The following SLC35F3 variants were observed in gnomAD, a reference collection of about 807,000 sequenced individuals.
SLC35F3 encodes solute carrier family 35 member F3, also known as putative thiamine transporter SLC35F3.
In SLC35F3, 25 loss-of-function variants were observed where a neutral mutation model predicts 49.9. The observed-to-expected ratio is 0.50, with a 90% CI of 0.37 to 0.70. SLC35F3 has a LOEUF of 0.70. SLC35F3 is among the 30% of genes least tolerant of loss of function. The pLI is 0.00. For synonymous variants in SLC35F3, 275 were observed against 265.4 expected (o/e 1.04, Z -0.35); for missense variants, 525 against 639.8 (o/e 0.82, Z 1.94).
chr1:234,098,824 TGGA>T (rs1558228998), intron 2 of SLC35F3, among the ~76,000 whole-genome samples: 4 of 150,306 alleles, frequency 2.7e-5, no homozygotes, highest in Non-Finnish European at 4.4e-5. Flanking sequence ...AGGGTCATGA[TGGA>T]GGTGGTGACT....
chr1:234,030,647 G>T (rs1664048576), intron 2 of SLC35F3, among the ~76,000 whole-genome samples: 1 of 152,256 alleles, frequency 6.6e-6, no homozygotes, highest in Non-Finnish European at 1.5e-5. Flanking sequence ...AGGAGATTAG[G>T]TTGGATAGCA....
rs576055799 is a variant in SLC35F3, at chr1:234,255,172, A to G, written c.608+23431A>G. Among the ~76,000 whole-genome samples, 4 of 152,354 alleles carry G rather than the reference A, an allele frequency of 2.6e-5. No individual in the cohort carries two copies. In the South Asian group the frequency reaches 8.3e-4, roughly 32 times the overall value. The stretch of plus-strand genomic sequence containing the variant: ...AACCCTTAAAACTAAACTACATGAA[A>G]ACCCAACTCAAAAGTAGGCAAAAGA... On this transcript the variant is annotated intron_variant, in intron 3 of 7. Coordinates refer to ENST00000366618, the MANE Select transcript of SLC35F3 (RefSeq NM_173508.4).
chr1:234,083,015 A>G (rs1394405436), intron 2 of SLC35F3, among the ~76,000 whole-genome samples: 1 of 152,170 alleles, frequency 6.6e-6, no homozygotes, highest in Non-Finnish European at 1.5e-5. Flanking sequence ...AATTTTATCT[A>G]AGTATTTCAT....
chr1:234,209,255 G>A (rs148849512), intron 2 of SLC35F3, among the ~76,000 whole-genome samples: 178 of 151,800 alleles, frequency 1.2e-3, no homozygotes, highest in African/African-American at 4.1e-3. Context: ...TTTTTTTTTG[G>A]AATGTGAGAT....
At position 234,188,237 on chromosome 1, in the gene SLC35F3, C is replaced by CAAAAAAA. The variant is rs112150679; in HGVS notation, c.284-43171_284-43165dup. The stretch of plus-strand genomic sequence containing the variant: ...GGGCAACAAGAGCGAAACTCCGCCT[C>CAAAAAAA]AAAAAAAAAAAAAAAGTCCTGCTTG... On this transcript the variant is annotated intron_variant, in intron 2 of 7. Transcript: ENST00000366618. 2.4e-4 allele frequency among the ~76,000 whole-genome samples: 29 copies of CAAAAAAA among 119,314 alleles called. No homozygotes were observed. In the South Asian group the frequency reaches 7.2e-3, roughly 30 times the overall value. The allele number at this position is 119,314 out of a possible 152,430, so 78.3% of individuals were successfully genotyped here. A position where few individuals can be genotyped will look rare whatever the true frequency, so the allele number is the denominator to read the frequency against.
intron 2 of SLC35F3, among the ~76,000 whole-genome samples, chr1:233,965,425 A>G (rs1662887847): frequency 2.6e-5 from 4 of 152,198 alleles, no homozygotes; most frequent in Admixed American, 2.6e-4. Context: ...TTTAACCAAT[A>G]GAATACAGCA....
At chr1:234,276,418 A>G (rs1301702555) in intron 3 of SLC35F3, among the ~76,000 whole-genome samples, 1 of 152,196 alleles carries the variant, frequency 6.6e-6, no homozygotes, top group Non-Finnish European at 1.5e-5. Flanking sequence ...TAGCAGAGGC[A>G]GTGCTGGGCA....
At chr1:234,147,277 G>T (rs1666012797) in intron 2 of SLC35F3, among the ~76,000 whole-genome samples, 8 of 126,424 alleles carry the variant, frequency 6.3e-5, no homozygotes, top group East Asian at 4.3e-4. Flanking sequence ...GTAAAATATT[G>T]GTAATTCTTC....
chr1:234,240,330 C>A (rs894470058), intron 3 of SLC35F3, among the ~76,000 whole-genome samples: 8 of 152,064 alleles, frequency 5.3e-5, no homozygotes, highest in African/African-American at 1.9e-4. Flanking sequence ...ATTAGCTGGA[C>A]GTGGTGGCAT....
chr1:233,905,006 C>CT lies in SLC35F3; in HGVS notation c.-71dup. On this transcript the variant is annotated 5_prime_UTR_variant, in exon 1 of 8. Transcript: ENST00000366618. ...CACTCCAGTCTTCCCAGGCTAGCGG[C>CT]TGCAGGGAGCTCCGGCCCGCGGCCC... 5 of 1,497,030 alleles carry CT rather than the reference C, an allele frequency of 3.3e-6. No homozygotes were observed. The highest frequency in any genetic ancestry group is 4.5e-6 in the Non-Finnish European group (5 of 1,102,110). The allele number at this position is 1,497,030 out of a possible 1,614,324, so 92.7% of individuals were successfully genotyped here.
At chr1:234,025,172 G>A (rs1400743676) in intron 2 of SLC35F3, among the ~76,000 whole-genome samples, 1 of 152,228 alleles carries the variant, frequency 6.6e-6, no homozygotes, top group Admixed American at 6.5e-5. Flanking sequence ...TGGCTGTGTA[G>A]TACTCCATGG....
At chr1:233,925,634 T>G (rs1226183495) in intron 2 of SLC35F3, among the ~76,000 whole-genome samples, 5 of 152,200 alleles carry the variant, frequency 3.3e-5, no homozygotes. Context: ...CCATTTACAT[T>G]CAAGGTTAAT....
chr1:234,308,899 A>C (rs1657277008), intron 3 of SLC35F3, among the ~76,000 whole-genome samples: 1 of 152,188 alleles, frequency 6.6e-6, no homozygotes, highest in Non-Finnish European at 1.5e-5. Flanking sequence ...CTGTGACATT[A>C]GATCACTGTG....
At chr1:234,169,129 CAAG>C (rs2102917723) in intron 2 of SLC35F3, among the ~76,000 whole-genome samples, 1 of 152,306 alleles carries the variant, frequency 6.6e-6, no homozygotes, top group African/African-American at 2.4e-5. Flanking sequence ...TGTCTCCACT[CAAG>C]AAGAGAGCAA....
At chr1:233,941,948 T>C (rs1187683636) in intron 2 of SLC35F3, among the ~76,000 whole-genome samples, 2 of 107,838 alleles carry the variant, frequency 1.9e-5, no homozygotes, top group East Asian at 5.5e-4. Context: ...CTTGGGGTTG[T>C]TTTTTGTTTT....
At chr1:234,102,309 G>T (rs771896328) in intron 2 of SLC35F3, among the ~76,000 whole-genome samples, 29 of 152,162 alleles carry the variant, frequency 1.9e-4, no homozygotes, top group Non-Finnish European at 3.4e-4. Context: ...ACCCGGATCA[G>T]GTTTGTTTGG....
chr1:233,913,514 GTTA>G (rs1300949489), intron 2 of SLC35F3, among the ~76,000 whole-genome samples: 4 of 152,206 alleles, frequency 2.6e-5, no homozygotes, highest in Admixed American at 1.3e-4. Context: ...GGCAGGGCTT[GTTA>G]TTGTGTCTCC....
intron 2 of SLC35F3, among the ~76,000 whole-genome samples, chr1:234,097,230 A>G (rs1665138583): frequency 1.3e-5 from 2 of 152,284 alleles, no homozygotes; most frequent in African/African-American, 2.4e-5. Context: ...ACTGTTTTCC[A>G]TAGAGATTGT....
At chr1:234,183,581 GT>G (rs1205466145) in intron 2 of SLC35F3, among the ~76,000 whole-genome samples, 2 of 142,830 alleles carry the variant, frequency 1.4e-5, no homozygotes, top group Non-Finnish European at 3.0e-5. Context: ...GTAGCAGGCT[GT>G]ATCCTTTTTC....
Sources: allele counts gnomAD v4.1 joint callset (sites outside exome capture counted in the v4.1 genomes callset), GRCh38; gene constraint gnomAD v4.1.1; transcripts MANE v1.5; gene names NCBI Gene and HGNC (gene_info 2026-07-23, HGNC 2026-07-21).